The following DENND1A variants were observed in gnomAD, a reference collection of about 807,000 sequenced individuals.
DENND1A encodes the protein DENN domain containing 1A, also known as DENN domain-containing protein 1A.
A neutral mutation model predicts 113.7 loss-of-function variants in DENND1A; 51 were observed. The observed-to-expected ratio is 0.45, with a 90% CI of 0.36 to 0.57. The LOEUF is 0.57. Ranked by LOEUF, DENND1A falls within the 20% of genes least tolerant of loss-of-function variation. DENND1A has a pLI of 0.00. For synonymous variants in DENND1A, 565 were observed against 570.8 expected, an observed-to-expected ratio of 0.99 and a Z score of 0.14; for missense variants, 1,258 against 1,395.9, an observed-to-expected ratio of 0.90 and a Z score of 1.57.
At chr9:123,724,806 A>G (rs973391248) in intron 5 of DENND1A, among the ~76,000 whole-genome samples, 2 of 152,250 alleles carry the variant, frequency 1.3e-5, no homozygotes, top group Non-Finnish European at 1.5e-5. Flanking sequence ...CAAACGATTC[A>G]AGCTGTAAAA....
intron 5 of DENND1A, among the ~76,000 whole-genome samples, chr9:123,706,590 C>T (rs1312550394): frequency 6.6e-6 from 1 of 150,878 alleles, no homozygotes; most frequent in Non-Finnish European, 1.5e-5. Context: ...GCTAACACAG[C>T]GAAACCCGGT....
At chr9:123,904,988 A>G (rs530508663) in intron 1 of DENND1A, among the ~76,000 whole-genome samples, 1 of 152,382 alleles carries the variant, frequency 6.6e-6, no homozygotes, top group Non-Finnish European at 1.5e-5. Flanking sequence ...AGGGAAGTCC[A>G]TCAGACTAAC....
intron 2 of DENND1A, among the ~76,000 whole-genome samples, chr9:123,869,819 GGC>G (rs1846263242): frequency 6.6e-6 from 1 of 151,570 alleles, no homozygotes; most frequent in Admixed American, 6.6e-5. Context: ...TGGGCAACAT[GGC>G]AAGACCCTAT....
At chr9:123,902,322 G>C (rs947819723) in intron 1 of DENND1A, among the ~76,000 whole-genome samples, 2 of 152,114 alleles carry the variant, frequency 1.3e-5, no homozygotes, top group Non-Finnish European at 2.9e-5. Context: ...TTCAGTGAAA[G>C]CAGAGACAGG....
intron 13 of DENND1A, among the ~76,000 whole-genome samples, chr9:123,501,512 T>C (rs538731092): frequency 2.0e-5 from 3 of 152,348 alleles, no homozygotes; most frequent in Admixed American, 6.5e-5. Flanking sequence ...ATGGCGACTG[T>C]ATTTTTAGTT....
chr9:123,553,221 C>T (rs1200087646), intron 13 of DENND1A, among the ~76,000 whole-genome samples: 1 of 152,146 alleles, frequency 6.6e-6, no homozygotes, highest in African/African-American at 2.4e-5. Context: ...CATGCCACTC[C>T]AGCCTAGGCA....
At chr9:123,507,528 T>C (rs1022498058) in intron 13 of DENND1A, among the ~76,000 whole-genome samples, 11 of 152,056 alleles carry the variant, frequency 7.2e-5, no homozygotes, top group African/African-American at 2.2e-4. Context: ...CCCTCCCAAG[T>C]AGACTAAAGC....
At chr9:123,457,521 G>T in intron 14 of DENND1A, 86 bp from the exon 15 acceptor site, 1 of 1,120,514 alleles carries the variant, frequency 8.9e-7, no homozygotes, top group Non-Finnish European at 1.3e-6. Flanking sequence ...CTGTATCCAA[G>T]GTAGGAGTTT....
intron 3 of DENND1A, among the ~76,000 whole-genome samples, chr9:123,777,224 A>C (rs951811258): frequency 6.6e-6 from 1 of 152,250 alleles, no homozygotes; most frequent in South Asian, 2.1e-4. Context: ...AAAGGCCTCC[A>C]GTATGCAGTC....
chr9:123,382,738 T>A, intron 23 of DENND1A, 113 bp from the exon 24 acceptor site: 2 of 1,161,336 alleles, frequency 1.7e-6, no homozygotes, highest in Middle Eastern at 2.8e-4. Context: ...GTTGTGTGGC[T>A]GATCAGCTCC....
At chr9:123,454,008 G>A (rs1300959274) in intron 16 of DENND1A, among the ~76,000 whole-genome samples, 2 of 152,160 alleles carry the variant, frequency 1.3e-5, no homozygotes, top group South Asian at 2.1e-4. Flanking sequence ...CTTACTCTCC[G>A]CCAACTGCAG....
In DENND1A at chr9:123,925,339, C is replaced by A. The variant is rs953517994; in HGVS notation, c.17+4550G>T. ...ACCTATCTCTCAGCTGAAACATGAT[C>A]CCCTTGGTGAAGGCTTCCTTTCCTG... On this transcript the variant is annotated intron_variant, in intron 1 of 23. Coordinates refer to ENST00000394215, the MANE Select transcript of DENND1A (RefSeq NM_001352964.2). 2.6e-5 allele frequency among the ~76,000 whole-genome samples: 4 copies of A among 152,126 alleles called. No homozygotes were observed. In the East Asian group the frequency reaches 5.8e-4, roughly 22 times the overall value.
At chr9:123,802,099 A>T (rs916351083) in intron 2 of DENND1A, among the ~76,000 whole-genome samples, 1 of 152,184 alleles carries the variant, frequency 6.6e-6, no homozygotes, top group African/African-American at 2.4e-5. Context: ...TGGCTCCCCA[A>T]CTCACAAAAC....
intron 21 of DENND1A, among the ~76,000 whole-genome samples, chr9:123,395,865 T>C (rs1280069767): frequency 1.3e-5 from 2 of 152,192 alleles, no homozygotes; most frequent in East Asian, 1.9e-4. Context: ...TGCCTTCAGA[T>C]TCCTTTGTTC....
chr9:123,447,258 C>T (rs2047372853), intron 18 of DENND1A, among the ~76,000 whole-genome samples: 1 of 152,232 alleles, frequency 6.6e-6, no homozygotes, highest in Admixed American at 6.5e-5. Context: ...AACCTGACCA[C>T]CTTGCTCCAT....
At chr9:123,453,911 A>AT (rs2047919071) in intron 16 of DENND1A, among the ~76,000 whole-genome samples, 1 of 152,222 alleles carries the variant, frequency 6.6e-6, no homozygotes, top group Non-Finnish European at 1.5e-5. Flanking sequence ...CAATCAATCA[A>AT]CAAGTCCTTA....
chr9:123,886,186 TG>T (rs1220074035), intron 1 of DENND1A, among the ~76,000 whole-genome samples: 5 of 152,190 alleles, frequency 3.3e-5, no homozygotes, highest in South Asian at 4.1e-4. Context: ...TTTTTTGTTT[TG>T]TTTTTTTTTT....
At chr9:123,421,464 C>T (rs2045298121) in intron 19 of DENND1A, among the ~76,000 whole-genome samples, 2 of 152,110 alleles carry the variant, frequency 1.3e-5, no homozygotes, top group Non-Finnish European at 2.9e-5. Flanking sequence ...GGGTCCGCTC[C>T]TCTCTCTCCC....
chr9:123,563,882 G>A (rs1229375017), intron 12 of DENND1A, among the ~76,000 whole-genome samples: 3 of 152,066 alleles, frequency 2.0e-5, no homozygotes, highest in South Asian at 2.1e-4. Context: ...ATTCTTTATC[G>A]TATTCTCTAA....
Sources: allele counts gnomAD v4.1 joint callset (sites outside exome capture counted in the v4.1 genomes callset), GRCh38; gene constraint gnomAD v4.1.1; transcripts MANE v1.5; gene names NCBI Gene and HGNC (gene_info 2026-07-23, HGNC 2026-07-21).